The following PRKCZ variants were observed in gnomAD, a reference collection of about 807,000 sequenced individuals.
The protein encoded by PRKCZ is protein kinase C zeta.
In PRKCZ, 33 loss-of-function variants were observed where a neutral mutation model predicts 79.5. That is an observed-to-expected ratio of 0.41 (90% CI 0.31 to 0.55). The LOEUF (loss-of-function observed/expected upper bound fraction) is 0.55, where lower values mean the gene tolerates loss of function less well. Ranked by LOEUF, PRKCZ falls within the 20% of genes least tolerant of loss-of-function variation. The pLI is 0.19. For missense variants in PRKCZ, 578 were observed against 813.5 expected (o/e 0.71, Z 3.52); for synonymous variants, 342 against 320.9 (o/e 1.07, Z -0.70).
chr1:2,157,468 A>C (rs1220671420), intron 10 of PRKCZ, among the ~76,000 whole-genome samples: 3 of 151,898 alleles, frequency 2.0e-5, no homozygotes, highest in Non-Finnish European at 2.9e-5. Flanking sequence ...CCCAGGCTGG[A>C]GTGCAGTGGC....
Position 2,175,303 on chromosome 1 carries a change from A to T in PRKCZ, c.1565A>T (p.Asp522Val). Reference protein sequence around the residue: ...IKSHAFFRSIDWDLLEKKQAL... With the variant: ...IKSHAFFRSIVWDLLEKKQAL... ...TCCCACGCGTTCTTCCGCAGCATAG[A>T]CTGGGACTTGGTAAAGCATCACAAA... is the stretch of plus-strand genomic sequence containing the variant. Residue 522 changes from aspartate (D) to valine (V), a missense_variant, in exon 16 of 18, where the codon GAC becomes GTC. Physicochemically the swap from Asp to Val is radical, Grantham distance 152. This residue lies in a region of PRKCZ where 243 missense variants were observed against 467.0 expected (regional missense o/e 0.52). Coordinates refer to ENST00000378567, the MANE Select transcript of PRKCZ (RefSeq NM_002744.6). The T allele has an allele frequency of 6.2e-7, 1 of 1,613,044 alleles. No homozygotes were observed. Among genetic ancestry groups the T allele is most frequent in the Non-Finnish European group, 8.5e-7 (1 of 1,179,346 alleles).
chr1:2,138,962 C>G (rs1040037831), intron 5 of PRKCZ, among the ~76,000 whole-genome samples: 1 of 151,954 alleles, frequency 6.6e-6, no homozygotes, highest in Admixed American at 6.6e-5. Flanking sequence ...GTGCAGATCT[C>G]TGGAGAAAAA....
intron 16 of PRKCZ, among the ~76,000 whole-genome samples, chr1:2,183,330 G>A (rs1186670933): frequency 2.0e-5 from 3 of 151,538 alleles, no homozygotes; most frequent in African/African-American, 4.9e-5. Flanking sequence ...GGAGTCAGAG[G>A]TTGCAGTGAG....
rs915071880 is a variant in PRKCZ at position 2,165,817 on chromosome 1, C to T, written c.975-3701C>T. Among the ~76,000 whole-genome samples the T allele has an allele frequency of 2.0e-5, 3 of 152,148 alleles. No homozygotes were observed. The highest frequency in any genetic ancestry group is 4.8e-5 in the African/African-American group (2 of 41,440). ...CCTCTGAGCCGGGCACCTTGCATTC[C>T]TGGAAGGGGTGGGGGGAGTGGCGAG... On this transcript the variant is annotated intron_variant, in intron 10 of 17. Coordinates refer to ENST00000378567, the MANE Select transcript of PRKCZ (RefSeq NM_002744.6). The surrounding 1 kb of genome is among the most constrained non-coding windows in gnomAD (Gnocchi z 4.1).
chr1:2,054,986 A>G (rs1053186368), intron 1 of PRKCZ, among the ~76,000 whole-genome samples: 3 of 146,822 alleles, frequency 2.0e-5, no homozygotes, highest in Non-Finnish European at 4.5e-5. Context: ...TCTGTCGCCC[A>G]GGCTGGACTG....
intron 5 of PRKCZ, among the ~76,000 whole-genome samples, chr1:2,136,552 T>G (rs1379237886): frequency 1.3e-5 from 2 of 152,056 alleles, no homozygotes; most frequent in Non-Finnish European, 2.9e-5. Flanking sequence ...AGCCAGTGTC[T>G]GGGAGGCCCT....
At chr1:2,054,834 G>A (rs1437419798) in intron 1 of PRKCZ, among the ~76,000 whole-genome samples, 1 of 151,990 alleles carries the variant, frequency 6.6e-6, no homozygotes, top group Non-Finnish European at 1.5e-5. Context: ...AGGTAACGTT[G>A]CCGGACCTCC....
At chr1:2,175,561 C>T (rs1424540218) in intron 16 of PRKCZ, among the ~76,000 whole-genome samples, 1 of 129,298 alleles carries the variant, frequency 7.7e-6, no homozygotes, top group East Asian at 2.3e-4. Context: ...ACTCCAACCC[C>T]TACACCCCCA....
chr1:2,136,636 A>G (rs1676260472), intron 5 of PRKCZ, among the ~76,000 whole-genome samples: 1 of 152,104 alleles, frequency 6.6e-6, no homozygotes, highest in Non-Finnish European at 1.5e-5. Context: ...GGTGTGGGTG[A>G]ACAGGCAGTT....
intron 4 of PRKCZ, among the ~76,000 whole-genome samples, chr1:2,083,953 C>G (rs925504958): frequency 6.6e-6 from 1 of 152,126 alleles, no homozygotes; most frequent in Admixed American, 6.5e-5. Flanking sequence ...GTATGTTGGC[C>G]GGGCGCGGTG....
At chr1:2,135,100 G>C in intron 4 of PRKCZ, 162 bp from the exon 5 acceptor site, 1 of 579,746 alleles carries the variant, frequency 1.7e-6, no homozygotes, top group Non-Finnish European at 3.0e-6. Context: ...AGGAGGGGCA[G>C]AGAGAGGCCT....
rs924176752 is a variant in PRKCZ at position 2,128,385 on chromosome 1, C to T, written c.335-6877C>T. Among the ~76,000 whole-genome samples, 4 of 152,250 alleles carry T rather than the reference C, an allele frequency of 2.6e-5. No individual in the cohort carries two copies. The highest frequency in any genetic ancestry group is 4.4e-5 in the Non-Finnish European group (3 of 68,036). ...GCCAGGGACTCGGCCCCTCCCTCAC[C>T]GCCACCGCACCCAAGGGCTGTCGCC... On this transcript the variant is annotated intron_variant, in intron 4 of 17. Coordinates refer to ENST00000378567, the MANE Select transcript of PRKCZ (RefSeq NM_002744.6). This position sits in a 1 kb window ranked among gnomAD's most constrained non-coding sequence, Gnocchi z 6.5.
At chr1:2,120,116 C>A (rs986392484) in intron 4 of PRKCZ, among the ~76,000 whole-genome samples, 1 of 151,958 alleles carries the variant, frequency 6.6e-6, no homozygotes, top group Non-Finnish European at 1.5e-5. Context: ...TCACTGCCAC[C>A]CCTGGAAGGC....
intron 4 of PRKCZ, among the ~76,000 whole-genome samples, chr1:2,064,742 C>G (rs922059285): frequency 5.9e-5 from 9 of 152,222 alleles, no homozygotes; most frequent in African/African-American, 2.2e-4. Flanking sequence ...CAGTGCCACA[C>G]TGTTTTGATC....
chr1:2,144,363 G>GC (rs1419157272), intron 6 of PRKCZ, 22 bp downstream of exon 6: 8 of 1,558,686 alleles, frequency 5.1e-6, no homozygotes, highest in Non-Finnish European at 7.0e-6. Flanking sequence ...GGCTGGGGAG[G>GC]CCCGGGGGGC....
intron 4 of PRKCZ, among the ~76,000 whole-genome samples, chr1:2,123,424 T>TG (rs1672941310): frequency 2.0e-4 from 1 of 4,902 alleles, no homozygotes; most frequent in Admixed American, 3.8e-3. Context: ...TGGTTAGGGT[T>TG]GTGGTGGTTA....
At chr1:2,184,236 C>T (rs140127436) in intron 16 of PRKCZ, 6 of 288,700 alleles carry the variant, frequency 2.1e-5, no homozygotes, top group East Asian at 9.8e-5. Context: ...GGTTCCAAGA[C>T]GTCATGAGAC....
chr1:2,067,670 C>A (rs528125052), intron 4 of PRKCZ, among the ~76,000 whole-genome samples: 35 of 152,124 alleles, frequency 2.3e-4, no homozygotes, highest in Non-Finnish European at 4.4e-5. Context: ...GCAGGTGCCT[C>A]GGGCCCCTCT....
intron 4 of PRKCZ, among the ~76,000 whole-genome samples, chr1:2,071,875 G>T (rs966661032): frequency 6.6e-6 from 1 of 152,254 alleles, no homozygotes; most frequent in Non-Finnish European, 1.5e-5. Flanking sequence ...GAAGCCTGGG[G>T]TTCTGAGCAG....
Sources: allele counts gnomAD v4.1 joint callset (sites outside exome capture counted in the v4.1 genomes callset), GRCh38; gene constraint gnomAD v4.1.1; regional missense constraint gnomAD v4.1.1; non-coding constraint Gnocchi (gnomAD v3.1); transcripts MANE v1.5; gene names NCBI Gene and HGNC (gene_info 2026-07-23, HGNC 2026-07-21).